The following ADAMTSL4 variants were observed in gnomAD, a reference collection of about 807,000 sequenced individuals.
ADAMTSL4 encodes ADAMTS like 4, also known as ADAMTS-like protein 4.
Under a neutral mutation model 122.8 loss-of-function variants are expected in ADAMTSL4, and 97 were observed. The observed-to-expected ratio is 0.79, with a 90% CI of 0.67 to 0.93. The LOEUF is 0.93. Ranked by LOEUF, ADAMTSL4 falls within the 40% of genes least tolerant of loss-of-function variation. The pLI, the probability that ADAMTSL4 is intolerant of heterozygous loss-of-function variation, is 0.00. For missense variants in ADAMTSL4, 1,408 were observed against 1,453.5 expected, an observed-to-expected ratio of 0.97 and a Z score of 0.51; for synonymous variants, 592 against 568.0, an observed-to-expected ratio of 1.04 and a Z score of -0.60.
Position 150,553,498 on chromosome 1 carries a change from C to A in ADAMTSL4, c.507C>A (p.His169Gln). 2 of 1,613,948 alleles carry A rather than the reference C, an allele frequency of 1.2e-6. No individual in the cohort carries two copies. The highest frequency in any genetic ancestry group is 1.7e-6 in the Non-Finnish European group (2 of 1,179,968). ...YGRVPFALPLHRNRRHPRSPP... is the reference protein window; with the variant it reads ...YGRVPFALPLQRNRRHPRSPP... ...GAGTGCCCTTTGCATTGCCACTGCA[C>A]CGGAACCGCAGGCACCCTCGGAGCC... Residue 169 changes from histidine (H) to glutamine (Q), a missense_variant, in exon 6 of 19, where the codon CAC (histidine) becomes CAA (glutamine). His to Gln is a conservative substitution (Grantham distance 24). Transcript: ENST00000271643.
intron 2 of ADAMTSL4, chr1:150,550,873 C>T (rs1034293838): frequency 2.2e-5 from 10 of 456,400 alleles, no homozygotes; most frequent in Middle Eastern, 3.2e-4. Flanking sequence ...GAGTGTCTGC[C>T]CCCAGGCACA....
intron 15 of ADAMTSL4, 94 bp from the exon 16 acceptor site, chr1:150,558,868 T>C (rs1672492502): frequency 6.5e-7 from 1 of 1,538,970 alleles, no homozygotes; most frequent in Admixed American, 2.0e-5. Flanking sequence ...CCACCCAGGA[T>C]TCGGACCCAG....
chr1:150,557,377 C>T (rs749916363), intron 12 of ADAMTSL4, 42 bp downstream of exon 12: 1 of 1,602,406 alleles, frequency 6.2e-7, no homozygotes, highest in Non-Finnish European at 8.5e-7. Flanking sequence ...GGTCCAAACC[C>T]CCCAACTGAC....
Position 150,554,534 on chromosome 1 carries a change from C to A in ADAMTSL4, c.1234+67C>A. On this transcript the variant is annotated intron_variant, in intron 7 of 18. Coordinates refer to ENST00000271643, the MANE Select transcript of ADAMTSL4 (RefSeq NM_019032.6). This position sits in a 1 kb window ranked among gnomAD's most constrained non-coding sequence, Gnocchi z 4.0. Reference sequence around the variant, plus strand: ...TTGGGGATGAAGGGGAGAGGAGATACCTGCTTACTCCCAGCCCTGAATGAC... The same window carrying A: ...TTGGGGATGAAGGGGAGAGGAGATAACTGCTTACTCCCAGCCCTGAATGAC... 1 of 1,599,262 alleles carries A rather than the reference C, an allele frequency of 6.3e-7. No homozygotes were observed. The highest frequency in any genetic ancestry group is 2.3e-5 in the East Asian group (1 of 43,904).
Position 150,553,572 on chromosome 1 carries a change from T to G in ADAMTSL4, c.581T>G (p.Ile194Ser), listed in dbSNP as rs1201800366. 6.2e-7 allele frequency: 1 copy of G among 1,613,788 alleles called. No individual in the cohort carries two copies. Among genetic ancestry groups the G allele is most frequent in the Non-Finnish European group, 8.5e-7 (1 of 1,179,926 alleles). The change falls in exon 6 of 19, where the codon ATT (isoleucine) becomes AGT (serine). Residue 194 changes from isoleucine (I) to serine (S), a missense_variant. Transcript: ENST00000271643. The stretch of plus-strand genomic sequence containing the variant: ...ATCTCTTCTAGAGGGGAAGAGGCTA[T>G]TCCGTCCCCTACTCCAAGAGCAGAG... ...SLISSRGEEA[I>S]PSPTPRAEPF...
rs1394814705 is a variant in ADAMTSL4, at chr1:150,557,596, C to T, written c.2150C>T (p.Pro717Leu). Residue 717 changes from proline (P) to leucine (L), a missense_variant, in exon 13 of 19, where the codon CCC becomes CTC. Coordinates refer to ENST00000271643, the MANE Select transcript of ADAMTSL4 (RefSeq NM_019032.6). ...GCCAGGCCCCCAGCCTCCCCTGAAC[C>T]CTGCCACGGCACCCCATGCCCCCCA... is the stretch of plus-strand genomic sequence containing the variant. ...AGARPPASPE[P>L]CHGTPCPPYW... 6.2e-7 allele frequency: 1 copy of T among 1,602,122 alleles called. No homozygotes were observed.
chr1:150,553,517 C>T lies in ADAMTSL4; in HGVS notation c.526C>T (p.Arg176Trp), dbSNP rs751378344. 8 of 1,613,798 alleles carry T rather than the reference C, an allele frequency of 5.0e-6. No homozygotes were observed. Among genetic ancestry groups the T allele is most frequent in the East Asian group, 4.5e-5 (2 of 44,870 alleles). Residue 176 changes from arginine (R) to tryptophan (W), a missense_variant, in exon 6 of 19, where the codon CGG (arginine) becomes TGG (tryptophan). Physicochemically the swap from Arg to Trp is moderately radical, Grantham distance 101. Coordinates refer to ENST00000271643, the MANE Select transcript of ADAMTSL4 (RefSeq NM_019032.6). ...ACTGCACCGGAACCGCAGGCACCCT[C>T]GGAGCCCACCCAGATCTGAGCTGTC... ...LPLHRNRRHP[R>W]SPPRSELSLI... is the part of the protein sequence containing the mutation.
At position 150,553,040 on chromosome 1, in the gene ADAMTSL4, C is replaced by G. The variant is rs769827413; in HGVS notation, c.221C>G (p.Pro74Arg). ...CGCAGGAGCCGGACATGTCAGCTCCCTACAGTGCAGCTCCACCCGAGTCTG... is the reference window on the plus strand; with the variant it reads ...CGCAGGAGCCGGACATGTCAGCTCCGTACAGTGCAGCTCCACCCGAGTCTG... ...VQRRSRTCQL[P>R]TVQLHPSLPL... is the part of the protein sequence containing the mutation. Residue 74 changes from proline (P) to arginine (R), a missense_variant, in exon 5 of 19, where the codon CCT becomes CGT. Physicochemically the swap from Pro to Arg is moderately radical, Grantham distance 103. Transcript: ENST00000271643. 1.2e-6 allele frequency: 2 copies of G among 1,613,268 alleles called. No individual in the cohort carries two copies. The highest frequency in any genetic ancestry group is 8.5e-7 in the Non-Finnish European group (1 of 1,179,890).
chr1:150,557,673 A>G (rs375153932), intron 13 of ADAMTSL4, 50 bp downstream of exon 13: 67 of 1,566,174 alleles, frequency 4.3e-5, no homozygotes, highest in Non-Finnish European at 5.3e-5. Context: ...GAAACACAGC[A>G]GTTGCCCCCA....
chr1:150,559,686 G>A lies in ADAMTSL4; in HGVS notation c.2944-75G>A, dbSNP rs1430022848. The A allele has an allele frequency of 3.7e-6, 6 of 1,608,326 alleles. No individual in the cohort carries two copies. The highest frequency in any genetic ancestry group is 5.1e-6 in the Non-Finnish European group (6 of 1,177,360). On this transcript the variant is annotated intron_variant, in intron 17 of 18. Coordinates refer to ENST00000271643, the MANE Select transcript of ADAMTSL4 (RefSeq NM_019032.6). This position sits in a 1 kb window ranked among gnomAD's most constrained non-coding sequence, Gnocchi z 4.1. ...GGTCCCCACCACCACCTTTTGGGGA[G>A]AGAGGTGGCAGCCAGGGGTTAAGGA... is the stretch of plus-strand genomic sequence containing the variant.
chr1:150,554,072 A>G lies in ADAMTSL4; in HGVS notation c.1081A>G (p.Ile361Val). Residue 361 changes from isoleucine to valine, a missense_variant, in exon 6 of 19, where the codon ATT becomes GTT. Physicochemically the swap from Ile to Val is conservative, Grantham distance 29. Transcript: ENST00000271643. This position sits in a 1 kb window ranked among gnomAD's most constrained non-coding sequence, Gnocchi z 4.0. ...LWSLFAPSSP[I>V]PRCSGESEQL... ...GAGCCTCTTTGCTCCCAGTAGCCCT[A>G]TTCCAAGATGTTCTGGGGAGAGTGA... The G allele has an allele frequency of 1.2e-6, 2 of 1,604,210 alleles. No individual in the cohort carries two copies. Among genetic ancestry groups the G allele is most frequent in the African/African-American group, 1.3e-5 (1 of 75,004 alleles).
Position 150,552,150 on chromosome 1 carries a change from A to G in ADAMTSL4, c.-84-55A>G. On this transcript the variant is annotated intron_variant, in intron 2 of 18. Transcript: ENST00000271643. The surrounding 1 kb of genome is among the most constrained non-coding windows in gnomAD (Gnocchi z 4.0). ...TCCATATTCTCTGAGCTGTCCTCCCAGCCCCAAGCTCTCTGGACACTGGAG... is the reference window on the plus strand; with the variant it reads ...TCCATATTCTCTGAGCTGTCCTCCCGGCCCCAAGCTCTCTGGACACTGGAG... 1.1e-6 allele frequency: 1 copy of G among 876,162 alleles called. No individual in the cohort carries two copies. Among genetic ancestry groups the G allele is most frequent in the Non-Finnish European group, 1.8e-6 (1 of 566,970 alleles). 54.3% of individuals were successfully genotyped at this position (876,162 alleles called of 1,614,324 possible).
chr1:150,559,965 A>T lies in ADAMTSL4; in HGVS notation c.3088+60A>T. 1 of 1,613,704 alleles carries T rather than the reference A, an allele frequency of 6.2e-7. No individual in the cohort carries two copies. The highest frequency in any genetic ancestry group is 8.5e-7 in the Non-Finnish European group (1 of 1,179,974). Reference sequence around the variant, plus strand: ...TGGATTAGCTGAAGTATGGGAGGAGATGAGAAAGGACCAGTGGGAATGGGC... The same window carrying T: ...TGGATTAGCTGAAGTATGGGAGGAGTTGAGAAAGGACCAGTGGGAATGGGC... On this transcript the variant is annotated intron_variant, in intron 18 of 18. Transcript: ENST00000271643. This position sits in a 1 kb window ranked among gnomAD's most constrained non-coding sequence, Gnocchi z 4.1.
chr1:150,555,820 C>T (rs1672032508), intron 8 of ADAMTSL4: 4 of 624,730 alleles, frequency 6.4e-6, no homozygotes, highest in Non-Finnish European at 8.6e-6. Context: ...CATGCACACA[C>T]ACGTATGCAG....
In ADAMTSL4 at chr1:150,557,024, AG is replaced by A; in HGVS notation, c.1836del (p.Glu612AspfsTer12). The A allele has an allele frequency of 6.2e-7, 1 of 1,613,872 alleles. No homozygotes were observed. Among genetic ancestry groups the A allele is most frequent in the Non-Finnish European group, 8.5e-7 (1 of 1,179,912 alleles). On this transcript the variant is annotated frameshift_variant, in exon 11 of 19. Transcript: ENST00000271643. LOFTEE classifies it high-confidence loss of function. ...CCAATCCTTGAGAACCCCACCCCAG[AG>A]CCCCCTGTCCCCCAGCTTCAGCCGG... ...PPPILENPTP[E>X]PPVPQLQPEI...
Position 150,556,884 on chromosome 1 carries a change from G to A in ADAMTSL4, c.1750-55G>A. The A allele has an allele frequency of 1.9e-6, 3 of 1,608,610 alleles. No homozygotes were observed. Among genetic ancestry groups the A allele is most frequent in the Non-Finnish European group, 2.6e-6 (3 of 1,175,134 alleles). On this transcript the variant is annotated intron_variant, in intron 10 of 18. Coordinates refer to ENST00000271643, the MANE Select transcript of ADAMTSL4 (RefSeq NM_019032.6). This position sits in a 1 kb window ranked among gnomAD's most constrained non-coding sequence, Gnocchi z 4.1. ...GGTTGTCAAGATGGGAGAGAGAGCT[G>A]GTGGCATCCTCTTCTGGCCACCCCC...
chr1:150,549,839 G>C lies in ADAMTSL4; in HGVS notation c.-141G>C, dbSNP rs1449130937. 5.6e-6 allele frequency: 1 copy of C among 178,800 alleles called. No individual in the cohort carries two copies. Among genetic ancestry groups the C allele is most frequent in the East Asian group, 1.5e-4 (1 of 6,516 alleles). 11.1% of individuals were successfully genotyped at this position (178,800 alleles called of 1,614,324 possible). On this transcript the variant is annotated 5_prime_UTR_variant, in exon 2 of 19. Coordinates refer to ENST00000271643, the MANE Select transcript of ADAMTSL4 (RefSeq NM_019032.6). This position sits in a 1 kb window ranked among gnomAD's most constrained non-coding sequence, Gnocchi z 5.0. ...CTCTCTAGGAGGGTGCTCTCGGACG[G>C]TGTGTCCCCCACTGCACTCCTGAAC...
chr1:150,559,727 C>A lies in ADAMTSL4; in HGVS notation c.2944-34C>A, dbSNP rs1464891661. On this transcript the variant is annotated intron_variant, in intron 17 of 18. Coordinates refer to ENST00000271643, the MANE Select transcript of ADAMTSL4 (RefSeq NM_019032.6). This position sits in a 1 kb window ranked among gnomAD's most constrained non-coding sequence, Gnocchi z 4.1. ...GGGTTAAGGAGAATCCCGGGCCTGG[C>A]AAAGGTCTGATATGATGGCTGGGGT... 1 of 1,613,596 alleles carries A rather than the reference C, an allele frequency of 6.2e-7. No homozygotes were observed. Among genetic ancestry groups the A allele is most frequent in the Admixed American group, 1.7e-5 (1 of 60,012 alleles).
rs904192428 is a variant in ADAMTSL4 at position 150,550,747 on chromosome 1, G to T, written c.-85+852G>T. 21 of 456,286 alleles carry T rather than the reference G, an allele frequency of 4.6e-5. No homozygotes were observed. The East Asian group carries it at 1.4e-3, about 30-fold the overall frequency. 28.3% of individuals were successfully genotyped at this position (456,286 alleles called of 1,614,324 possible). On this transcript the variant is annotated intron_variant, in intron 2 of 18. Transcript: ENST00000271643. Reference sequence around the variant, plus strand: ...GTGGCCGGCCCAGCCAGGGGAAGGAGTGGCCATCGGCAACCCCCACCCCAA... The same window carrying T: ...GTGGCCGGCCCAGCCAGGGGAAGGATTGGCCATCGGCAACCCCCACCCCAA...
Sources: gnomAD v4.1 joint callset for allele counts on GRCh38, gnomAD v4.1.1 for gene constraint, Gnocchi (gnomAD v3.1) non-coding constraint, MANE v1.5 for transcripts, NCBI Gene and HGNC (gene_info 2026-07-23, HGNC 2026-07-21) for gene names.